The following PARD3B variants were observed in gnomAD, a reference collection of about 807,000 sequenced individuals.
PARD3B encodes the protein partitioning defective 3 homolog B.
In PARD3B, 103 loss-of-function variants were observed where a neutral mutation model predicts 130.2. The ratio of observed to expected loss-of-function variants is 0.79; its 90% CI spans 0.67 to 0.93. The LOEUF is 0.93. Ranked by LOEUF, PARD3B falls within the 40% of genes least tolerant of loss-of-function variation. PARD3B has a pLI of 0.00. For synonymous variants in PARD3B, 583 were observed against 553.2 expected, an observed-to-expected ratio of 1.05 and a Z score of -0.76; for missense variants, 1,609 against 1,499.2, an observed-to-expected ratio of 1.07 and a Z score of -1.21.
At chr2:205,237,275 T>C (rs1429329012) in intron 15 of PARD3B, among the ~76,000 whole-genome samples, 1 of 152,126 alleles carries the variant, frequency 6.6e-6, no homozygotes, top group East Asian at 1.9e-4. Context: ...AATTTTTTTA[T>C]ATTTTCAGTA....
intron 1 of PARD3B, among the ~76,000 whole-genome samples, chr2:204,659,176 A>C (rs1315496435): frequency 6.6e-6 from 1 of 152,212 alleles, no homozygotes; most frequent in Non-Finnish European, 1.5e-5. Flanking sequence ...AAGAGTAATC[A>C]ATAGCAGAGA....
At chr2:204,815,350 T>A (rs2043107003) in intron 2 of PARD3B, among the ~76,000 whole-genome samples, 1 of 152,006 alleles carries the variant, frequency 6.6e-6, no homozygotes, top group Non-Finnish European at 1.5e-5. Context: ...CCTTGTATTA[T>A]GTATAGACTC....
intron 4 of PARD3B, among the ~76,000 whole-genome samples, chr2:205,095,714 C>A (rs1018607466): frequency 6.6e-6 from 1 of 152,184 alleles, no homozygotes; most frequent in South Asian, 2.1e-4. Context: ...CACCTGGTAT[C>A]AGCTTAAGTC....
At position 205,563,724 on chromosome 2, in the gene PARD3B, CA is replaced by C. The variant is rs1434291923; in HGVS notation, c.3260+10322del. The stretch of plus-strand genomic sequence containing the variant: ...GAAATAAAGAAAAACACTTTTGAAT[CA>C]CACACTTTTTCTTCTTTTATCACTG... On this transcript the variant is annotated intron_variant, in intron 22 of 22. Coordinates refer to ENST00000406610, the MANE Select transcript of PARD3B (RefSeq NM_001302769.2). The surrounding 1 kb of genome is among the most constrained non-coding windows in gnomAD (Gnocchi z 4.2). Among the ~76,000 whole-genome samples, 5 of 151,900 alleles carry C rather than the reference CA, an allele frequency of 3.3e-5. No homozygotes were observed. Among genetic ancestry groups the C allele is most frequent in the Admixed American group, 2.0e-4 (3 of 15,242 alleles).
intron 15 of PARD3B, among the ~76,000 whole-genome samples, chr2:205,218,407 A>G (rs1284260922): frequency 6.6e-6 from 1 of 152,192 alleles, no homozygotes; most frequent in Non-Finnish European, 1.5e-5. Context: ...TTATCCCTGA[A>G]ATGGAAGCTT....
chr2:205,385,434 G>A (rs1176020366), intron 18 of PARD3B, among the ~76,000 whole-genome samples: 1 of 152,102 alleles, frequency 6.6e-6, no homozygotes, highest in African/African-American at 2.4e-5. Context: ...CAAAAACTGT[G>A]TCATTATTTA....
chr2:205,162,790 C>A (rs1198116423), intron 11 of PARD3B, among the ~76,000 whole-genome samples: 1 of 152,264 alleles, frequency 6.6e-6, no homozygotes, highest in Non-Finnish European at 1.5e-5. Context: ...AAATCCACAT[C>A]AAAATTTGCG....
At chr2:205,202,137 A>C (rs1360681652) in intron 15 of PARD3B, among the ~76,000 whole-genome samples, 3 of 152,184 alleles carry the variant, frequency 2.0e-5, no homozygotes, top group Admixed American at 1.3e-4. Context: ...TTTAACATGT[A>C]ATTATATTTT....
rs549862686 is a variant in PARD3B, at chr2:205,074,835, A to G, written c.504+27145A>G. ...TCCAATTTAATCCTTAATAATAACA[A>G]TCTTCCAAGACTCCATATTTTCCTA... On this transcript the variant is annotated intron_variant, in intron 4 of 22. Coordinates refer to ENST00000406610, the MANE Select transcript of PARD3B (RefSeq NM_001302769.2). Among the ~76,000 whole-genome samples the G allele has an allele frequency of 2.6e-5, 4 of 152,302 alleles. No individual in the cohort carries two copies. In the East Asian group the frequency reaches 5.8e-4, roughly 22 times the overall value.
chr2:204,924,091 A>G (rs1051291718), intron 2 of PARD3B, among the ~76,000 whole-genome samples: 2 of 152,072 alleles, frequency 1.3e-5, no homozygotes, highest in Admixed American at 6.6e-5. Flanking sequence ...TAGGATCTTG[A>G]GCAAATCAGA....
Position 205,288,604 on chromosome 2 carries a change from C to T in PARD3B, c.2186-11926C>T, listed in dbSNP as rs1194696442. ...TAGCCAGATTTCAAAGCCCTTCATG[C>T]CTTTACTTTATCCTTTCTACTCATG... On this transcript the variant is annotated intron_variant, in intron 16 of 22. Transcript: ENST00000406610. The surrounding 1 kb of genome is among the most constrained non-coding windows in gnomAD (Gnocchi z 4.0). Among the ~76,000 whole-genome samples, 1 of 152,166 alleles carries T rather than the reference C, an allele frequency of 6.6e-6. No homozygotes were observed. Among genetic ancestry groups the T allele is most frequent in the African/African-American group, 2.4e-5 (1 of 41,450 alleles).
At chr2:205,517,931 G>A (rs534350522) in intron 21 of PARD3B, among the ~76,000 whole-genome samples, 2 of 152,060 alleles carry the variant, frequency 1.3e-5, no homozygotes, top group East Asian at 1.9e-4. Context: ...TTTTTATTGC[G>A]CTGTGGTCTG....
chr2:205,532,397 A>G (rs1399249086), intron 21 of PARD3B, among the ~76,000 whole-genome samples: 1 of 152,184 alleles, frequency 6.6e-6, no homozygotes. Flanking sequence ...GACTTACTCC[A>G]GAAGGGGTGT....
rs1559341648 is a variant in PARD3B at position 204,998,386 on chromosome 2, GTGTA to G, written c.394+33065_394+33068del. On this transcript the variant is annotated intron_variant, in intron 3 of 22. Coordinates refer to ENST00000406610, the MANE Select transcript of PARD3B (RefSeq NM_001302769.2). ...TGTGTGTGTGTGTGTATATATGTGT[GTGTA>G]TATATGTATATATGTGTATATATAT... is the stretch of plus-strand genomic sequence containing the variant. 7.5e-4 allele frequency among the ~76,000 whole-genome samples: 61 copies of G among 80,874 alleles called. 10 individuals carry two copies. The highest frequency in any genetic ancestry group is 2.9e-3 in the African/African-American group (57 of 19,328). 53.1% of individuals were successfully genotyped at this position (80,874 alleles called of 152,430 possible).
At chr2:204,821,778 AC>A (rs1559172380) in intron 2 of PARD3B, among the ~76,000 whole-genome samples, 1 of 152,152 alleles carries the variant, frequency 6.6e-6, no homozygotes, top group Admixed American at 6.5e-5. Flanking sequence ...TTTGCCTGCC[AC>A]CATCCATGTG....
chr2:204,692,659 C>G (rs545328220), intron 2 of PARD3B, among the ~76,000 whole-genome samples: 1 of 151,906 alleles, frequency 6.6e-6, no homozygotes. Context: ...AAAAGTCTTA[C>G]TTTGGTTCAT....
At chr2:205,294,738 T>A (rs541894681) in intron 16 of PARD3B, among the ~76,000 whole-genome samples, 59 of 152,290 alleles carry the variant, frequency 3.9e-4, no homozygotes, top group African/African-American at 1.3e-3. Flanking sequence ...GACCCTGGGA[T>A]TTGTGAGACT....
intron 4 of PARD3B, among the ~76,000 whole-genome samples, chr2:205,057,532 CATATAT>C (rs1347080430): frequency 1.5e-5 from 2 of 135,634 alleles, no homozygotes; most frequent in East Asian, 4.3e-4. Flanking sequence ...TGTATATATA[CATATAT>C]GTATATGTGT....
chr2:204,990,260 ATTTT>A (rs564501086), intron 3 of PARD3B, among the ~76,000 whole-genome samples: 1 of 143,732 alleles, frequency 7.0e-6, no homozygotes, highest in African/African-American at 2.5e-5. Context: ...CTTTAAAAAC[ATTTT>A]TTTTTTTTTA....
Sources: gnomAD v4.1 joint callset for allele counts (sites outside exome capture counted in the v4.1 genomes callset) on GRCh38, gnomAD v4.1.1 for gene constraint, Gnocchi (gnomAD v3.1) non-coding constraint, MANE v1.5 for transcripts, NCBI Gene and HGNC (gene_info 2026-07-23, HGNC 2026-07-21) for gene names.